Variants in SLC4A10 observed in about 807,000 individuals in gnomAD.
SLC4A10 encodes the protein solute carrier family 4 member 10.
SLC4A10 carries 42 observed loss-of-function variants against 137.7 expected under a neutral mutation model. That is an observed-to-expected ratio of 0.30 (90% CI 0.24 to 0.39). The LOEUF (loss-of-function observed/expected upper bound fraction) is 0.39. SLC4A10 is among the 10% of genes least tolerant of loss of function. The pLI, the probability that SLC4A10 is intolerant of heterozygous loss-of-function variation, is 1.00. For missense variants in SLC4A10, 925 were observed against 1,355.0 expected (o/e 0.68, Z 4.98); for synonymous variants, 474 against 464.1 (o/e 1.02, Z -0.27).
chr2:161,827,721 C>T (rs938167296), intron 3 of SLC4A10, among the ~76,000 whole-genome samples: 1 of 152,014 alleles, frequency 6.6e-6, no homozygotes, highest in Non-Finnish European at 1.5e-5. Context: ...ACGCCCGCAC[C>T]AGGCCGGCTA....
At chr2:161,642,598 A>G (rs1329521907) in intron 1 of SLC4A10, among the ~76,000 whole-genome samples, 1 of 151,998 alleles carries the variant, frequency 6.6e-6, no homozygotes, top group African/African-American at 2.4e-5. Flanking sequence ...ATTTTAGTTA[A>G]CTCATTTACA....
chr2:161,943,378 C>T (rs1296580797), intron 16 of SLC4A10, among the ~76,000 whole-genome samples: 1 of 152,040 alleles, frequency 6.6e-6, no homozygotes, highest in Non-Finnish European at 1.5e-5. Flanking sequence ...GCACCTCCCT[C>T]AACAAGATCT....
intron 4 of SLC4A10, among the ~76,000 whole-genome samples, chr2:161,850,819 G>A (rs934958629): frequency 3.9e-5 from 6 of 152,012 alleles, no homozygotes; most frequent in Non-Finnish European, 5.9e-5. Context: ...AACTTAAGTT[G>A]TAAGTTTTTC....
chr2:161,871,715 T>A (rs1257492542), intron 6 of SLC4A10, among the ~76,000 whole-genome samples: 4 of 152,140 alleles, frequency 2.6e-5, no homozygotes, highest in Non-Finnish European at 4.4e-5. Context: ...AGGCATAAAA[T>A]CATATCCATA....
intron 1 of SLC4A10, among the ~76,000 whole-genome samples, chr2:161,677,074 T>G (rs1385808018): frequency 1.3e-5 from 2 of 152,038 alleles, no homozygotes; most frequent in Non-Finnish European, 1.5e-5. Flanking sequence ...GTGGGTGGTG[T>G]TTGGGTTGTT....
chr2:161,656,369 G>A (rs896088401), intron 1 of SLC4A10, among the ~76,000 whole-genome samples: 4 of 152,054 alleles, frequency 2.6e-5, no homozygotes, highest in Admixed American at 2.6e-4. Flanking sequence ...ATATTTTAGT[G>A]GCAGAGTATT....
intron 1 of SLC4A10, among the ~76,000 whole-genome samples, chr2:161,698,458 CTTA>C (rs2042775977): frequency 6.6e-6 from 1 of 152,088 alleles, no homozygotes; most frequent in African/African-American, 2.4e-5. Context: ...ATAAATAGCT[CTTA>C]TTATTTTGAG....
intron 3 of SLC4A10, among the ~76,000 whole-genome samples, chr2:161,827,628 C>T (rs1005988872): frequency 6.6e-6 from 1 of 151,604 alleles, no homozygotes; most frequent in Admixed American, 6.6e-5. Flanking sequence ...CAGTGGCGCG[C>T]GATCTCGGCT....
At chr2:161,850,368 T>A (rs191779726) in intron 4 of SLC4A10, among the ~76,000 whole-genome samples, 11 of 152,228 alleles carry the variant, frequency 7.2e-5, no homozygotes, top group African/African-American at 1.9e-4. Flanking sequence ...CCAGTCTGGG[T>A]GACAGAGCAA....
chr2:161,725,312 C>CT (rs1310118496), intron 1 of SLC4A10, among the ~76,000 whole-genome samples: 1 of 152,122 alleles, frequency 6.6e-6, no homozygotes, highest in Non-Finnish European at 1.5e-5. Flanking sequence ...TCCTGGGAAA[C>CT]TTTTTTCACC....
intron 26 of SLC4A10, among the ~76,000 whole-genome samples, chr2:161,978,396 A>AAAG (rs1471459315): frequency 2.7e-5 from 4 of 150,804 alleles, no homozygotes; most frequent in South Asian, 2.1e-4. Context: ...AAAAAAAAAA[A>AAAG]AAAAAGAAAA....
rs1279892391 is a variant in SLC4A10, at chr2:161,873,936, G to C, written c.879G>C (p.Lys293Asn). Residue 293 changes from lysine (K) to asparagine (N), a missense_variant, in exon 8 of 27, where the codon AAG becomes AAC. Around this residue, in one of 11 missense-constraint regions of SLC4A10, gnomAD observed 277 missense variants for 306.1 expected, o/e 0.90. Transcript: ENST00000446997. ...DFSKGLGGQQ[K>N]GHTSPCGMKQ... ...TGCAGGGACTGGGAGGCCAACAAAA[G>C]GGGCATACTAGTCCATGTGGGATGA... The C allele has an allele frequency of 6.3e-7, 1 of 1,594,610 alleles. No individual in the cohort carries two copies. The highest frequency in any genetic ancestry group is 8.5e-7 in the Non-Finnish European group (1 of 1,178,100).
At chr2:161,925,199 C>A (rs1470196392) in intron 15 of SLC4A10, among the ~76,000 whole-genome samples, 1 of 152,088 alleles carries the variant, frequency 6.6e-6, no homozygotes, top group Admixed American at 6.6e-5. Flanking sequence ...GGTTGGTAAG[C>A]TATTGATTAT....
At chr2:161,891,387 T>C (rs1358046008) in intron 10 of SLC4A10, among the ~76,000 whole-genome samples, 1 of 152,170 alleles carries the variant, frequency 6.6e-6, no homozygotes, top group African/African-American at 2.4e-5. Flanking sequence ...TCTTGAAGAA[T>C]GTTTTCCAAC....
At chr2:161,768,282 A>G (rs1290614596) in intron 1 of SLC4A10, among the ~76,000 whole-genome samples, 3 of 151,990 alleles carry the variant, frequency 2.0e-5, no homozygotes, top group Non-Finnish European at 4.4e-5. Flanking sequence ...TGACATCCAT[A>G]AGTCCCTACT....
At chr2:161,644,215 G>A (rs540353990) in intron 1 of SLC4A10, among the ~76,000 whole-genome samples, 24 of 152,078 alleles carry the variant, frequency 1.6e-4, no homozygotes, top group Non-Finnish European at 2.6e-4. Flanking sequence ...ACAATAACAC[G>A]ACTGGGCATA....
rs71408189 is a variant in SLC4A10 at position 161,879,546 on chromosome 2, C to CTT, written c.1106+277_1106+278dup. Among the ~76,000 whole-genome samples, 177 of 124,998 alleles carry CTT rather than the reference C, an allele frequency of 1.4e-3. 1 individual carries two copies. The highest frequency in any genetic ancestry group is 2.3e-3 in the South Asian group (9 of 3,864). 82.0% of individuals were successfully genotyped at this position (124,998 alleles called of 152,430 possible). ...AAGGTACCCTGAAGCCATATGAATC[C>CTT]TTTTTTTTTTTTTTTTTTTTACATT... On this transcript the variant is annotated intron_variant, in intron 9 of 26. Coordinates refer to ENST00000446997, the MANE Select transcript of SLC4A10 (RefSeq NM_001178015.2).
At chr2:161,828,868 G>T in intron 3 of SLC4A10, among the ~76,000 whole-genome samples, 1 of 136,014 alleles carries the variant, frequency 7.4e-6, no homozygotes, top group Non-Finnish European at 1.6e-5. Flanking sequence ...TTCAGACCTG[G>T]GATTTCATCT....
intron 17 of SLC4A10, 116 bp from the exon 18 acceptor site, chr2:161,949,027 AAATAT>A: frequency 1.7e-6 from 1 of 596,908 alleles, no homozygotes; most frequent in South Asian, 2.3e-5. Flanking sequence ...AGTATGCATA[AAATAT>A]AATATTATGA....
Sources: gnomAD v4.1 joint callset for allele counts (sites outside exome capture counted in the v4.1 genomes callset) on GRCh38, gnomAD v4.1.1 for gene constraint, gnomAD v4.1.1 regional missense constraint, MANE v1.5 for transcripts, NCBI Gene and HGNC (gene_info 2026-07-23, HGNC 2026-07-21) for gene names.